Variants in IL1RN observed in about 807,000 individuals in gnomAD.
The protein encoded by IL1RN is interleukin 1 receptor antagonist, also known as interleukin-1 receptor antagonist protein.
Under a neutral mutation model 13.7 loss-of-function variants are expected in IL1RN, and 10 were observed. The ratio of observed to expected loss-of-function variants is 0.73; its 90% CI spans 0.45 to 1.24. The LOEUF is 1.24. IL1RN is among the 50% of genes most tolerant of loss of function. The pLI is 0.00. For synonymous variants in IL1RN, 102 were observed against 82.7 expected (o/e 1.23, Z -1.27); for missense variants, 213 against 222.1 (o/e 0.96, Z 0.26).
chr2:113,124,953 T>G (rs987775470), upstream of IL1RN, among the ~76,000 whole-genome samples: 7 of 152,268 alleles, frequency 4.6e-5, no homozygotes, highest in East Asian at 1.4e-3. Flanking sequence ...CTCTCTGAAT[T>G]CAGACTGGGG....
the IL1RN span, among the ~76,000 whole-genome samples, chr2:113,102,032 G>T: frequency 2.0e-5 from 3 of 152,192 alleles, no homozygotes; most frequent in Non-Finnish European, 4.4e-5. Flanking sequence ...CTCCCAAAGT[G>T]CTGGGATTAC....
At chr2:113,128,206 G>C (rs1294118273) in intron 1 of IL1RN, among the ~76,000 whole-genome samples, 1 of 152,258 alleles carries the variant, frequency 6.6e-6, no homozygotes, top group African/African-American at 2.4e-5. Flanking sequence ...CTCCTTGTGT[G>C]CCTTACAGGG....
In IL1RN at chr2:113,127,706, T is replaced by G; in HGVS notation, c.82T>G (p.Ser28Ala). 2 of 1,614,032 alleles carry G rather than the reference T, an allele frequency of 1.2e-6. No homozygotes were observed. The highest frequency in any genetic ancestry group is 1.1e-5 in the South Asian group (1 of 91,078). ...CCATTCAGAGACGATCTGCCGACCC[T>G]CTGGGAGAAAATCCAGCAAGATGCA... The part of the protein sequence containing the change: ...LFHSETICRP[S>A]GRKSSKMQAF... Residue 28 changes from serine to alanine, a missense_variant, in exon 1 of 4, where the codon TCT becomes GCT. Ser to Ala is a moderately conservative substitution (Grantham distance 99). Coordinates refer to ENST00000409930, the MANE Select transcript of IL1RN (RefSeq NM_173842.3).
chr2:113,115,177 C>A (rs1253922586), upstream of IL1RN, among the ~76,000 whole-genome samples: 1 of 152,188 alleles, frequency 6.6e-6, no homozygotes, highest in Non-Finnish European at 1.5e-5. Flanking sequence ...TTTCAAACCT[C>A]AAATCCCTTG....
upstream of IL1RN, among the ~76,000 whole-genome samples, chr2:113,110,447 G>A (rs764930823): frequency 1.3e-4 from 20 of 152,244 alleles, no homozygotes; most frequent in African/African-American, 3.4e-4. Context: ...AAAGAGGTAC[G>A]TTTTGCTGCA....
At chr2:113,116,600 G>A (rs4251960), upstream of IL1RN, among the ~76,000 whole-genome samples, 2,799 of 152,184 alleles carry the variant, frequency 0.018, 97 homozygotes, top group African/African-American at 0.064. Context: ...CAGGTCTGCA[G>A]GGTTAGAGGA....
chr2:113,117,972 G>C (rs55849304), exon 1 of IL1RN: 3 of 1,131,076 alleles, frequency 2.7e-6, no homozygotes, highest in Admixed American at 1.7e-5. Context: ...AGTTGAGTTA[G>C]AGTCTGGAAG....
upstream of IL1RN, among the ~76,000 whole-genome samples, chr2:113,108,151 T>C (rs1450041506): frequency 1.3e-5 from 2 of 152,186 alleles, no homozygotes; most frequent in Non-Finnish European, 1.5e-5. Context: ...TTCTCTAATT[T>C]CTAGAGGCAT....
At position 113,133,299 on chromosome 2, in the gene IL1RN, C is replaced by A; in HGVS notation, c.*428C>A. On this transcript the variant is annotated 3_prime_UTR_variant, in exon 4 of 4. Transcript: ENST00000409930. ...TTTTACAAAAAAGAAAAGACCAGTC[C>A]ATGAGGGAGGTTTTTAAGGGTTTGT... The A allele has an allele frequency of 4.3e-6, 1 of 232,036 alleles. No homozygotes were observed. Among genetic ancestry groups the A allele is most frequent in the Non-Finnish European group, 8.7e-6 (1 of 114,914 alleles). 14.4% of individuals were successfully genotyped at this position (232,036 alleles called of 1,614,324 possible).
At chr2:113,112,405 C>T (rs1012289069) in intron 1 of IL1RN, among the ~76,000 whole-genome samples, 2 of 152,128 alleles carry the variant, frequency 1.3e-5, no homozygotes, top group African/African-American at 4.8e-5. Context: ...GCTAGTCCTT[C>T]CCGCCAGAAT....
chr2:113,127,077 C>T (rs997935297), upstream of IL1RN, among the ~76,000 whole-genome samples: 6 of 152,198 alleles, frequency 3.9e-5, no homozygotes, highest in African/African-American at 9.6e-5. Flanking sequence ...AAACAGACAG[C>T]TGAGCTGAGT....
Position 113,132,813 on chromosome 2 carries a change from C to T in IL1RN, c.476C>T (p.Thr159Ile), listed in dbSNP as rs550154177. 21 of 1,614,266 alleles carry T rather than the reference C, an allele frequency of 1.3e-5. No homozygotes were observed. The African/African-American group carries it at 2.7e-4, about 20-fold the overall frequency. ...AMEADQPVSL[T>I]NMPDEGVMVT... ...GAAGCTGACCAGCCCGTCAGCCTCA[C>T]CAATATGCCTGACGAAGGCGTCATG... The change falls in exon 4 of 4, where the codon ACC (threonine) becomes ATC (isoleucine). Residue 159 changes from threonine (T) to isoleucine (I), a missense_variant. By Grantham distance (89) the Thr-to-Ile change is moderately conservative. Transcript: ENST00000409930.
chr2:113,109,267 C>T (rs1010027412), upstream of IL1RN, among the ~76,000 whole-genome samples: 1 of 152,018 alleles, frequency 6.6e-6, no homozygotes, highest in African/African-American at 2.4e-5. Context: ...TCAAAATTAG[C>T]TGGGTGTGGG....
chr2:113,124,463 A>T (rs1257345655), upstream of IL1RN, among the ~76,000 whole-genome samples: 1 of 151,986 alleles, frequency 6.6e-6, no homozygotes, highest in East Asian at 1.9e-4. Context: ...GAGTCAGAGC[A>T]GGCTTGAGAC....
chr2:113,121,562 T>C, intron 2 of IL1RN: 1 of 985,438 alleles, frequency 1.0e-6, no homozygotes, highest in Non-Finnish European at 1.2e-6. Flanking sequence ...AGCTAACCCA[T>C]AAACTGCTGG....
chr2:113,107,030 GC>G (rs759452128), upstream of IL1RN, among the ~76,000 whole-genome samples: 25 of 152,176 alleles, frequency 1.6e-4, no homozygotes, highest in Non-Finnish European at 3.2e-4. Context: ...TACACAGAAT[GC>G]AAAATGATGA....
At chr2:113,117,814 A>G (rs1490261908), upstream of IL1RN, 3 of 641,756 alleles carry the variant, frequency 4.7e-6, no homozygotes, top group Non-Finnish European at 8.4e-6. Flanking sequence ...CCATCTCCTC[A>G]TGCTGGCCAA....
At chr2:113,127,321 A>T, upstream of IL1RN, 1 of 299,854 alleles carries the variant, frequency 3.3e-6, no homozygotes, top group Non-Finnish European at 4.9e-6. Flanking sequence ...AACAGTAGGG[A>T]GTTTGGTTTC....
upstream of IL1RN, chr2:113,127,588 C>A: frequency 2.5e-6 from 4 of 1,610,804 alleles, no homozygotes; most frequent in Non-Finnish European, 3.4e-6. Context: ...AACTCTGGGC[C>A]CGCAATGGCA....
Sources: allele counts gnomAD v4.1 joint callset (sites outside exome capture counted in the v4.1 genomes callset), GRCh38; gene constraint gnomAD v4.1.1; transcripts MANE v1.5; gene names NCBI Gene and HGNC (gene_info 2026-07-23, HGNC 2026-07-21).